Variants in NEK6 observed in about 807,000 individuals in gnomAD.
NEK6 encodes NIMA related kinase 6.
Under a neutral mutation model 43.5 loss-of-function variants are expected in NEK6, and 27 were observed. The ratio of observed to expected loss-of-function variants is 0.62; its 90% confidence interval spans 0.46 to 0.86. The LOEUF is 0.86. NEK6 is among the 40% of genes least tolerant of loss of function. NEK6 has a pLI of 0.00. For synonymous variants in NEK6, 167 were observed against 164.1 expected, an observed-to-expected ratio of 1.02 and a Z score of -0.14; for missense variants, 318 against 414.4, an observed-to-expected ratio of 0.77 and a Z score of 2.02.
chr9:124,299,620 T>C (rs564195425), intron 1 of NEK6, among the ~76,000 whole-genome samples: 3 of 152,068 alleles, frequency 2.0e-5, no homozygotes, highest in African/African-American at 7.2e-5. Context: ...GGGAGAGCAC[T>C]GAGCGCTGGG....
At chr9:124,279,254 G>A (rs940054847) in intron 1 of NEK6, among the ~76,000 whole-genome samples, 10 of 150,940 alleles carry the variant, frequency 6.6e-5, no homozygotes, top group Non-Finnish European at 1.0e-4. Flanking sequence ...GATTGGGCCC[G>A]ACACCAGCCC....
At chr9:124,338,423 T>G (rs1203787950) in intron 7 of NEK6, among the ~76,000 whole-genome samples, 1 of 152,250 alleles carries the variant, frequency 6.6e-6, no homozygotes, top group Non-Finnish European at 1.5e-5. Context: ...GTTTGTCTCT[T>G]ATGTACTGAT....
At chr9:124,331,509 G>C (rs144722495) in intron 7 of NEK6, among the ~76,000 whole-genome samples, 3,079 of 152,214 alleles carry the variant, frequency 0.02, 110 homozygotes, top group African/African-American at 0.071. Flanking sequence ...CCCAGGGAAG[G>C]GGTCGAGAGA....
upstream of NEK6, chr9:124,257,837 C>A: frequency 9.0e-7 from 1 of 1,112,394 alleles, no homozygotes; most frequent in Non-Finnish European, 1.1e-6. Context: ...AGGACGCCGC[C>A]GGGGCGCCCC....
At chr9:124,339,877 G>A (rs1829503794) in intron 8 of NEK6, among the ~76,000 whole-genome samples, 1 of 145,810 alleles carries the variant, frequency 6.9e-6, no homozygotes, top group East Asian at 2.1e-4. Flanking sequence ...CTGTTAGAGG[G>A]TGGACAGCAG....
intron 2 of NEK6, among the ~76,000 whole-genome samples, chr9:124,306,351 G>GAA (rs1833254348): frequency 6.6e-6 from 1 of 152,154 alleles, no homozygotes; most frequent in African/African-American, 2.4e-5. Context: ...TGTCCTGGGG[G>GAA]AACCATAATG....
At position 124,275,025 on chromosome 9, in the gene NEK6, G is replaced by T. The variant is rs1389864267; in HGVS notation, c.-30+16940G>T. ...CTTAACCTGAGCAGGGACCCCAGGG[G>T]CACGAGCTCTGCTTAGTTCTTGTGA... On this transcript the variant is annotated intron_variant, in intron 1 of 9. Transcript: ENST00000320246. This position sits in a 1 kb window ranked among gnomAD's most constrained non-coding sequence, Gnocchi z 4.4. Among the ~76,000 whole-genome samples, 1 of 152,188 alleles carries T rather than the reference G, an allele frequency of 6.6e-6. No individual in the cohort carries two copies. The highest frequency in any genetic ancestry group is 1.5e-5 in the Non-Finnish European group (1 of 68,034).
intron 1 of NEK6, among the ~76,000 whole-genome samples, chr9:124,288,420 T>C (rs1292887789): frequency 6.6e-6 from 1 of 152,098 alleles, no homozygotes; most frequent in Admixed American, 6.5e-5. Context: ...GCAGCTGGGA[T>C]TACAGGTACC....
At chr9:124,304,030 T>C (rs979202212) in intron 2 of NEK6, among the ~76,000 whole-genome samples, 1 of 152,252 alleles carries the variant, frequency 6.6e-6, no homozygotes, top group African/African-American at 2.4e-5. Flanking sequence ...CATAGTTAAG[T>C]GTAATTAGTT....
chr9:124,339,093 A>G lies in NEK6; in HGVS notation c.623-478A>G, dbSNP rs560683342. The stretch of plus-strand genomic sequence containing the variant: ...GCCCAGGCTGGAGTGCAGTGGCGCA[A>G]TCTTGGCTCTCTGCAGCCTCCGCCT... On this transcript the variant is annotated intron_variant, in intron 7 of 9. Transcript: ENST00000320246. Among the ~76,000 whole-genome samples, 255 of 134,984 alleles carry G rather than the reference A, an allele frequency of 1.9e-3. 1 individual carries two copies. Among genetic ancestry groups the G allele is most frequent in the Admixed American group, 0.011 (129 of 11,422 alleles). 88.6% of individuals were successfully genotyped at this position (134,984 alleles called of 152,430 possible).
intron 4 of NEK6, among the ~76,000 whole-genome samples, chr9:124,320,916 A>T (rs1267583384): frequency 2.0e-5 from 3 of 152,192 alleles, no homozygotes; most frequent in Non-Finnish European, 4.4e-5. Context: ...ACATAGTGAG[A>T]TCCTATCTCT....
rs1831611746 is a variant in NEK6, at chr9:124,275,398, T to C, written c.-30+17313T>C. Among the ~76,000 whole-genome samples the C allele has an allele frequency of 6.6e-6, 1 of 152,182 alleles. No homozygotes were observed. Among genetic ancestry groups the C allele is most frequent in the Non-Finnish European group, 1.5e-5 (1 of 68,022 alleles). The stretch of plus-strand genomic sequence containing the variant: ...GGGGTGACCTGGTTGATGACGGTCA[T>C]GGAGCCCAGAACCCATGGGTAACGG... On this transcript the variant is annotated intron_variant, in intron 1 of 9. Transcript: ENST00000320246. The surrounding 1 kb of genome is among the most constrained non-coding windows in gnomAD (Gnocchi z 4.4).
intron 7 of NEK6, among the ~76,000 whole-genome samples, chr9:124,339,261 T>G (rs890226085): frequency 5.9e-5 from 9 of 151,774 alleles, no homozygotes; most frequent in Non-Finnish European, 1.2e-4. Flanking sequence ...TCCCAGAGTG[T>G]TGGGATTACA....
chr9:124,258,922 G>C (rs1277884369), intron 1 of NEK6, among the ~76,000 whole-genome samples: 1 of 152,364 alleles, frequency 6.6e-6, no homozygotes, highest in South Asian at 2.1e-4. Context: ...TATCCTCCAG[G>C]CTCTCCTGTC....
intron 1 of NEK6, among the ~76,000 whole-genome samples, chr9:124,289,508 T>G (rs1373220665): frequency 6.6e-6 from 1 of 152,090 alleles, no homozygotes; most frequent in Non-Finnish European, 1.5e-5. Flanking sequence ...CACACCTCCA[T>G]GGCTGTGTGT....
At chr9:124,307,674 G>A (rs546082037) in intron 2 of NEK6, among the ~76,000 whole-genome samples, 1 of 152,324 alleles carries the variant, frequency 6.6e-6, no homozygotes, top group East Asian at 1.9e-4. Flanking sequence ...AGGAGTCAGA[G>A]GTGGCCTCCT....
chr9:124,310,018 G>A (rs1252537756), intron 2 of NEK6, among the ~76,000 whole-genome samples: 5 of 152,212 alleles, frequency 3.3e-5, no homozygotes, highest in Non-Finnish European at 7.3e-5. Context: ...AAAGAATGGA[G>A]GCTGGAGCAG....
chr9:124,286,118 G>T (rs1412596576), intron 1 of NEK6, among the ~76,000 whole-genome samples: 1 of 150,998 alleles, frequency 6.6e-6, no homozygotes, highest in East Asian at 2.0e-4. Context: ...ACTGCCTTTT[G>T]CAGAGGAAAT....
At position 124,326,213 on chromosome 9, in the gene NEK6, C is replaced by CG. The variant is rs1554853522; in HGVS notation, c.406-116dup. On this transcript the variant is annotated intron_variant, in intron 5 of 9. Coordinates refer to ENST00000320246, the MANE Select transcript of NEK6 (RefSeq NM_014397.6). This position sits in a 1 kb window ranked among gnomAD's most constrained non-coding sequence, Gnocchi z 4.5. ...GCTCAGTGGCTCAATCCCCCCCCCC[C>CG]GCCCCTGCCAGGCACCAGTTACCCA... 14 of 178,860 alleles carry CG rather than the reference C, an allele frequency of 7.8e-5. No homozygotes were observed. Among genetic ancestry groups the CG allele is most frequent in the Non-Finnish European group, 1.2e-4 (9 of 74,262 alleles). 11.1% of individuals were successfully genotyped at this position (178,860 alleles called of 1,614,324 possible). A position where few individuals can be genotyped will look rare whatever the true frequency, so the allele number is the denominator to read the frequency against.
Sources: gnomAD v4.1 joint callset for allele counts (sites outside exome capture counted in the v4.1 genomes callset) on GRCh38, gnomAD v4.1.1 for gene constraint, Gnocchi (gnomAD v3.1) non-coding constraint, MANE v1.5 for transcripts, NCBI Gene and HGNC (gene_info 2026-07-23, HGNC 2026-07-21) for gene names.